The following LAPTM5 variants were observed in gnomAD, a reference collection of about 807,000 sequenced individuals.
LAPTM5 encodes lysosomal-associated transmembrane protein 5.
Under a neutral mutation model 30.1 loss-of-function variants are expected in LAPTM5, and 11 were observed. The observed-to-expected ratio is 0.37, with a 90% CI of 0.23 to 0.60. The LOEUF (loss-of-function observed/expected upper bound fraction) is 0.60. Among genes scored for constraint, LAPTM5 ranks in the 20% least tolerant of loss-of-function variants. The probability of loss-of-function intolerance (pLI) is 0.71; values close to 1 mark genes in which losing one functional copy is unlikely to be tolerated. For synonymous variants in LAPTM5, 151 were observed against 137.9 expected, an observed-to-expected ratio of 1.10 and a Z score of -0.67; for missense variants, 324 against 332.5, an observed-to-expected ratio of 0.97 and a Z score of 0.20.
intron 2 of LAPTM5, 166 bp from the exon 3 acceptor site, chr1:30,741,882 A>G (rs1487544091): frequency 1.9e-6 from 1 of 515,852 alleles, no homozygotes; most frequent in Non-Finnish European, 3.5e-6. Context: ...TACAAAGACA[A>G]AAGCAGAACA....
At position 30,738,953 on chromosome 1, in the gene LAPTM5, G is replaced by A. The variant is rs1460990190; in HGVS notation, c.497C>T (p.Ser166Phe). The change falls in exon 5 of 8, where the codon TCC becomes TTC. Residue 166 changes from serine to phenylalanine, a missense_variant. Transcript: ENST00000294507. ...CCCCAGACTCACCATGTGGTTCATG[G>A]ACTTGAAGTTGAGATAGGTGGGCAC... ...MEVPTYLNFK[S>F]MNHMNYLPSQ... 6.2e-7 allele frequency: 1 copy of A among 1,605,394 alleles called. No individual in the cohort carries two copies. Among genetic ancestry groups the A allele is most frequent in the Non-Finnish European group, 8.5e-7 (1 of 1,176,504 alleles).
At chr1:30,738,858 C>T in intron 5 of LAPTM5, 82 bp downstream of exon 5, 2 of 1,465,816 alleles carry the variant, frequency 1.4e-6, no homozygotes, top group Admixed American at 4.2e-5. Context: ...CTGGCCTAAA[C>T]CACAGACACA....
intron 1 of LAPTM5, among the ~76,000 whole-genome samples, chr1:30,745,067 ACTC>A: frequency 6.6e-6 from 1 of 151,068 alleles, no homozygotes. Flanking sequence ...TCCCCCTACA[ACTC>A]CTCTGTTCTC....
In LAPTM5 at chr1:30,746,318, A is replaced by T. The variant is rs1356418144; in HGVS notation, c.88-3769T>A. The T allele has an allele frequency of 6.6e-6, 1 of 152,116 alleles. No individual in the cohort carries two copies. Among genetic ancestry groups the T allele is most frequent in the Admixed American group, 6.6e-5 (1 of 15,244 alleles). The allele number at this position is 152,116 out of a possible 1,614,324, so 9.4% of individuals were successfully genotyped here. A position where few individuals can be genotyped will look rare whatever the true frequency, so the allele number is the denominator to read the frequency against. On this transcript the variant is annotated intron_variant, in intron 1 of 7. Coordinates refer to ENST00000294507, the MANE Select transcript of LAPTM5 (RefSeq NM_006762.3). This position sits in a 1 kb window ranked among gnomAD's most constrained non-coding sequence, Gnocchi z 4.0. ...TGCCCACAGTCCTCCACCCCCAGCC[A>T]CCCCAGGGCCAGCACCCTGCCCCTC...
intron 1 of LAPTM5, among the ~76,000 whole-genome samples, chr1:30,756,428 A>G (rs944261553): frequency 4.6e-5 from 7 of 152,228 alleles, no homozygotes; most frequent in African/African-American, 1.7e-4. Flanking sequence ...CATGCTTTGT[A>G]TGTATCAACT....
rs1307683137 is a variant in LAPTM5 at position 30,733,668 on chromosome 1, G to A, written c.*160C>T. On this transcript the variant is annotated 3_prime_UTR_variant, in exon 8 of 8. Coordinates refer to ENST00000294507, the MANE Select transcript of LAPTM5 (RefSeq NM_006762.3). ...TGACCCAGTTGTGAGCAGCTCACAG[G>A]CCCTGCAGGAGGAGCAGGCCAGCGA... The A allele has an allele frequency of 6.5e-7, 1 of 1,534,048 alleles. No homozygotes were observed. Among genetic ancestry groups the A allele is most frequent in the Admixed American group, 2.0e-5 (1 of 50,964 alleles).
rs1473788880 is a variant in LAPTM5, at chr1:30,732,952, T to G, written c.*876A>C. ...ACTCCTTTCATGGAATCCACTGTTA[T>G]GCAGCCACACTGACCACAGAGCAAC... is the stretch of plus-strand genomic sequence containing the variant. On this transcript the variant is annotated 3_prime_UTR_variant, in exon 8 of 8. Coordinates refer to ENST00000294507, the MANE Select transcript of LAPTM5 (RefSeq NM_006762.3). The G allele has an allele frequency of 6.6e-6, 1 of 152,286 alleles. No individual in the cohort carries two copies. Among genetic ancestry groups the G allele is most frequent in the Non-Finnish European group, 1.5e-5 (1 of 68,084 alleles). 9.4% of individuals were successfully genotyped at this position (152,286 alleles called of 1,614,324 possible). A position where few individuals can be genotyped will look rare whatever the true frequency, so the allele number is the denominator to read the frequency against.
At chr1:30,735,552 C>T (rs1211867860) in intron 6 of LAPTM5, among the ~76,000 whole-genome samples, 2 of 152,262 alleles carry the variant, frequency 1.3e-5, no homozygotes, top group African/African-American at 4.8e-5. Context: ...TCCTGCTTGA[C>T]TGCCCACACT....
At chr1:30,749,546 C>G (rs767785850) in intron 1 of LAPTM5, among the ~76,000 whole-genome samples, 34 of 152,260 alleles carry the variant, frequency 2.2e-4, no homozygotes, top group African/African-American at 7.5e-4. Context: ...CCAGGTTCCA[C>G]GGGATCATGA....
At position 30,739,948 on chromosome 1, in the gene LAPTM5, G is replaced by A; in HGVS notation, c.259-11C>T. 1.3e-6 allele frequency: 2 copies of A among 1,568,842 alleles called. No homozygotes were observed. The highest frequency in any genetic ancestry group is 1.2e-5 in the South Asian group (1 of 85,788). On this transcript the variant is annotated splice_polypyrimidine_tract_variant and intron_variant, in intron 3 of 7. Transcript: ENST00000294507. The surrounding 1 kb of genome is among the most constrained non-coding windows in gnomAD (Gnocchi z 4.2). ...GTACTTCTCCCGGTTCTGAAAGGTAGGCCCAGCACCGTCAAGTGTCCCCTG... is the reference window on the plus strand; with the variant it reads ...GTACTTCTCCCGGTTCTGAAAGGTAAGCCCAGCACCGTCAAGTGTCCCCTG...
rs1410953764 is a variant in LAPTM5, at chr1:30,739,181, C to G, written c.388-119G>C. 7.7e-7 allele frequency: 1 copy of G among 1,299,600 alleles called. No homozygotes were observed. The highest frequency in any genetic ancestry group is 1.4e-5 in the South Asian group (1 of 70,856). The allele number at this position is 1,299,600 out of a possible 1,614,324, so 80.5% of individuals were successfully genotyped here. On this transcript the variant is annotated intron_variant, in intron 4 of 7. Coordinates refer to ENST00000294507, the MANE Select transcript of LAPTM5 (RefSeq NM_006762.3). This position sits in a 1 kb window ranked among gnomAD's most constrained non-coding sequence, Gnocchi z 4.2. ...GTCTCAGCTACAGACATCAGTGACTCTCGTCCCCTGTGCACAGAGAGACAT... is the reference window on the plus strand; with the variant it reads ...GTCTCAGCTACAGACATCAGTGACTGTCGTCCCCTGTGCACAGAGAGACAT...
At chr1:30,734,054 G>A in intron 7 of LAPTM5, 137 bp from the exon 8 acceptor site, 2 of 957,136 alleles carry the variant, frequency 2.1e-6, no homozygotes, top group Non-Finnish European at 3.1e-6. Flanking sequence ...TATTTGCTAT[G>A]TGCTAGACAT....
chr1:30,749,504 A>G (rs2124194966), intron 1 of LAPTM5, among the ~76,000 whole-genome samples: 1 of 152,276 alleles, frequency 6.6e-6, no homozygotes, highest in African/African-American at 2.4e-5. Flanking sequence ...GGTTTGCAAA[A>G]ATCAAATAGA....
intron 2 of LAPTM5, 200 bp from the exon 3 acceptor site, chr1:30,741,916 G>A (rs530373853): frequency 6.7e-5 from 30 of 450,728 alleles, no homozygotes; most frequent in Middle Eastern, 6.1e-4. Flanking sequence ...AGGAGGATGC[G>A]ACAGAGGGTG....
chr1:30,750,339 G>A (rs1189177417), intron 1 of LAPTM5, among the ~76,000 whole-genome samples: 2 of 152,160 alleles, frequency 1.3e-5, no homozygotes, highest in Non-Finnish European at 2.9e-5. Context: ...AATAAGTATT[G>A]ATACTATTAT....
At position 30,739,202 on chromosome 1, in the gene LAPTM5, G is replaced by T; in HGVS notation, c.388-140C>A. ...GACTCTCGTCCCCTGTGCACAGAGA[G>T]ACATGAACACACAGATGTTCATACC... On this transcript the variant is annotated intron_variant, in intron 4 of 7. Coordinates refer to ENST00000294507, the MANE Select transcript of LAPTM5 (RefSeq NM_006762.3). The surrounding 1 kb of genome is among the most constrained non-coding windows in gnomAD (Gnocchi z 4.2). 1 of 1,095,950 alleles carries T rather than the reference G, an allele frequency of 9.1e-7. No individual in the cohort carries two copies. Among genetic ancestry groups the T allele is most frequent in the Non-Finnish European group, 1.3e-6 (1 of 781,158 alleles). The allele number at this position is 1,095,950 out of a possible 1,614,324, so 67.9% of individuals were successfully genotyped here. A position where few individuals can be genotyped will look rare whatever the true frequency, so the allele number is the denominator to read the frequency against.
At chr1:30,747,726 A>G (rs988785270) in intron 1 of LAPTM5, among the ~76,000 whole-genome samples, 4 of 152,086 alleles carry the variant, frequency 2.6e-5, no homozygotes, top group African/African-American at 7.2e-5. Flanking sequence ...GATGGGGACA[A>G]TGGGGTCAGT....
intron 3 of LAPTM5, among the ~76,000 whole-genome samples, chr1:30,741,237 C>T (rs1228993620): frequency 6.6e-6 from 1 of 152,210 alleles, no homozygotes; most frequent in African/African-American, 2.4e-5. Context: ...CTACTTTCCC[C>T]CTTCTTCGGC....
intron 1 of LAPTM5, among the ~76,000 whole-genome samples, chr1:30,757,182 G>A (rs1362964353): frequency 3.9e-5 from 6 of 152,142 alleles, no homozygotes; most frequent in Admixed American, 6.5e-5. Context: ...TCATCCCCTC[G>A]AGTGGCCCAG....
Sources: allele counts gnomAD v4.1 joint callset (sites outside exome capture counted in the v4.1 genomes callset), GRCh38; gene constraint gnomAD v4.1.1; non-coding constraint Gnocchi (gnomAD v3.1); transcripts MANE v1.5; gene names NCBI Gene and HGNC (gene_info 2026-07-23, HGNC 2026-07-21).